The following MED13 variants were observed in gnomAD, a reference collection of about 807,000 sequenced individuals.
MED13 encodes the protein mediator complex subunit 13.
In MED13, 23 loss-of-function variants were observed where a neutral mutation model predicts 225.2. That is an observed-to-expected ratio of 0.10 (90% CI 0.07 to 0.14). The LOEUF is 0.14. Ranked by LOEUF, MED13 falls within the 10% of genes least tolerant of loss-of-function variation. The probability of loss-of-function intolerance (pLI) is 1.00; values close to 1 mark genes in which losing one functional copy is unlikely to be tolerated. For synonymous variants in MED13, 942 were observed against 889.2 expected (o/e 1.06, Z -1.06); for missense variants, 2,197 against 2,594.5 (o/e 0.85, Z 3.33).
At chr17:62,034,064 T>G in intron 4 of MED13, 80 bp from the exon 5 acceptor site, 1 of 1,231,638 alleles carries the variant, frequency 8.1e-7, no homozygotes, top group Non-Finnish European at 1.1e-6. Flanking sequence ...ATGTGGCAAA[T>G]AATCGTGCAA....
intron 11 of MED13, among the ~76,000 whole-genome samples, chr17:61,989,586 C>T (rs2080277823): frequency 1.3e-5 from 2 of 152,206 alleles, no homozygotes; most frequent in Admixed American, 1.3e-4. Flanking sequence ...GATCTGCCCA[C>T]CTTGGCCTCC....
At chr17:61,954,092 G>T (rs2079920338) in intron 26 of MED13, among the ~76,000 whole-genome samples, 1 of 152,010 alleles carries the variant, frequency 6.6e-6, no homozygotes, top group South Asian at 2.1e-4. Context: ...TGTACCCATG[G>T]GCAACTGAAA....
At chr17:61,968,658 T>C (rs572686425) in intron 17 of MED13, among the ~76,000 whole-genome samples, 60 of 152,152 alleles carry the variant, frequency 3.9e-4, no homozygotes, top group Admixed American at 3.0e-3. Flanking sequence ...GTTAATGAAG[T>C]CATTATTAGT....
rs546380966 is a variant in MED13 at position 62,038,369 on chromosome 17, T to A, written c.471-2761A>T. ...GTGAGCTATGATGACACCACTGCCCTCCAGTCTCCAAACAAAAAAAGATAT... is the reference window on the plus strand; with the variant it reads ...GTGAGCTATGATGACACCACTGCCCACCAGTCTCCAAACAAAAAAAGATAT... On this transcript the variant is annotated intron_variant, in intron 3 of 29. Coordinates refer to ENST00000397786, the MANE Select transcript of MED13 (RefSeq NM_005121.3). Among the ~76,000 whole-genome samples the A allele has an allele frequency of 3.8e-3, 582 of 152,152 alleles. 1 individual carries two copies. The highest frequency in any genetic ancestry group is 0.01 in the Middle Eastern group (3 of 294).
chr17:61,966,442 A>ATT lies in MED13; in HGVS notation c.4381+19_4381+20insAA, dbSNP rs752598045. 3.5e-5 allele frequency: 56 copies of ATT among 1,590,256 alleles called. No individual in the cohort carries two copies. Among genetic ancestry groups the ATT allele is most frequent in the Non-Finnish European group, 4.7e-5 (55 of 1,169,258 alleles). ...CATTTTGCTAACACCAGCCTTATACAATAAATACAAATTCAATACCTAGGT... is the reference window on the plus strand; with the variant it reads ...CATTTTGCTAACACCAGCCTTATACATTATAAATACAAATTCAATACCTAGGT... On this transcript the variant is annotated intron_variant, in intron 19 of 29. Transcript: ENST00000397786.
chr17:61,945,706 G>C lies in MED13; in HGVS notation c.*762C>G, dbSNP rs755568703. The C allele has an allele frequency of 1.3e-5, 2 of 152,544 alleles. No individual in the cohort carries two copies. Among genetic ancestry groups the C allele is most frequent in the Non-Finnish European group, 2.9e-5 (2 of 68,024 alleles). The allele number at this position is 152,544 out of a possible 1,614,324, so 9.4% of individuals were successfully genotyped here. On this transcript the variant is annotated 3_prime_UTR_variant, in exon 30 of 30. Transcript: ENST00000397786. ...GGTACCTTTTCAATTTATAAACACA[G>C]TGAACTTCATTACTGTACATGTACT...
At chr17:62,011,943 A>G (rs990066158) in intron 8 of MED13, among the ~76,000 whole-genome samples, 1 of 152,200 alleles carries the variant, frequency 6.6e-6, no homozygotes, top group Non-Finnish European at 1.5e-5. Flanking sequence ...TAGGCTGGGC[A>G]TGGTGGCTGA....
In MED13 at chr17:61,966,484, T is replaced by C. The variant is rs1035065420; in HGVS notation, c.4359A>G (p.Ala1453=). 1 of 1,613,258 alleles carries C rather than the reference T, an allele frequency of 6.2e-7. No individual in the cohort carries two copies. Among genetic ancestry groups the C allele is most frequent in the Admixed American group, 1.7e-5 (1 of 59,872 alleles). Residue 1453 remains alanine (A), a synonymous_variant, in exon 19 of 30, where the codon GCA becomes GCG. Coordinates refer to ENST00000397786, the MANE Select transcript of MED13 (RefSeq NM_005121.3). ...NEAFSKLKLY[A]QVCRYDLGPY... ...TACCTAGGTCATATCTGCAGACTTG[T>C]GCATAAAGCTTGAGTTTAGAAAATG...
chr17:61,997,836 A>T (rs2080359129), intron 9 of MED13, among the ~76,000 whole-genome samples: 1 of 152,110 alleles, frequency 6.6e-6, no homozygotes, highest in Admixed American at 6.5e-5. Context: ...AAACCTTCAC[A>T]CTGTTTACAT....
Position 62,060,329 on chromosome 17 carries a change from A to G in MED13, c.301+2738T>C, listed in dbSNP as rs558980784. Among the ~76,000 whole-genome samples the G allele has an allele frequency of 3.3e-5, 5 of 151,556 alleles. No homozygotes were observed. In the East Asian group the frequency reaches 7.9e-4, roughly 24 times the overall value. On this transcript the variant is annotated intron_variant, in intron 2 of 29. Transcript: ENST00000397786. ...TATTTACCATTCATTAGCATTCAGT[A>G]AAGTCTGACAGCAGTTAAAACCCTA... is the stretch of plus-strand genomic sequence containing the variant.
At chr17:61,948,883 G>C (rs561651228) in intron 28 of MED13, among the ~76,000 whole-genome samples, 1 of 150,962 alleles carries the variant, frequency 6.6e-6, no homozygotes, top group Non-Finnish European at 1.5e-5. Flanking sequence ...TCAGGAGATC[G>C]AGACCATCCC....
intron 9 of MED13, among the ~76,000 whole-genome samples, chr17:62,002,794 C>T (rs1201794131): frequency 6.6e-6 from 1 of 152,326 alleles, no homozygotes; most frequent in Middle Eastern, 3.4e-3. Context: ...TATGGGGAAT[C>T]TCCCCAATGA....
At chr17:62,058,309 T>C (rs1284512642) in intron 2 of MED13, among the ~76,000 whole-genome samples, 1 of 151,156 alleles carries the variant, frequency 6.6e-6, no homozygotes, top group Non-Finnish European at 1.5e-5. Context: ...AGGCCAGGAG[T>C]TCCAGACCAG....
rs553149735 is a variant in MED13, at chr17:62,039,973, C to T, written c.471-4365G>A. Reference sequence around the variant, plus strand: ...TGCAGTGGCTATTCACAGGCACAGTCGCGGAGCACTACAGCCTCAAACTCC... The same window carrying T: ...TGCAGTGGCTATTCACAGGCACAGTTGCGGAGCACTACAGCCTCAAACTCC... On this transcript the variant is annotated intron_variant, in intron 3 of 29. Coordinates refer to ENST00000397786, the MANE Select transcript of MED13 (RefSeq NM_005121.3). Among the ~76,000 whole-genome samples, 8 of 152,108 alleles carry T rather than the reference C, an allele frequency of 5.3e-5. No individual in the cohort carries two copies. In the South Asian group the frequency reaches 1.5e-3, roughly 28 times the overall value.
chr17:62,011,962 A>G (rs2080513500), intron 8 of MED13, among the ~76,000 whole-genome samples: 1 of 152,206 alleles, frequency 6.6e-6, no homozygotes, highest in South Asian at 2.1e-4. Context: ...GACACCTGCA[A>G]TCCCAGCACT....
At chr17:62,015,954 ATTTTTTTTTTTTTTTTT>A (rs869061252) in intron 8 of MED13, among the ~76,000 whole-genome samples, 10 of 12,900 alleles carry the variant, frequency 7.8e-4, no homozygotes, top group African/African-American at 3.3e-3. Flanking sequence ...ATATATATAT[ATTTTTTTTTTTTTTTTT>A]TTTTTTTTTT....
At chr17:61,957,172 G>C (rs1166223795) in intron 23 of MED13, among the ~76,000 whole-genome samples, 1 of 151,360 alleles carries the variant, frequency 6.6e-6, no homozygotes, top group African/African-American at 2.4e-5. Context: ...TCAGCCTTCC[G>C]AGCAGCTGAG....
In MED13 at chr17:61,990,650, T is replaced by TATAC. The variant is rs1491124278; in HGVS notation, c.2263+1889_2263+1890insGTAT. ...GTGTATATATATATATATATATATA[T>TATAC]ACACACTCCCCCCCAAAACATCATG... On this transcript the variant is annotated intron_variant, in intron 11 of 29. Transcript: ENST00000397786. 3.4e-3 allele frequency among the ~76,000 whole-genome samples: 484 copies of TATAC among 141,156 alleles called. 1 individual carries two copies. The highest frequency in any genetic ancestry group is 0.011 in the African/African-American group (423 of 37,214). The allele number at this position is 141,156 out of a possible 152,430, so 92.6% of individuals were successfully genotyped here.
intron 5 of MED13, among the ~76,000 whole-genome samples, chr17:62,033,321 G>A (rs1412364927): frequency 6.6e-6 from 1 of 152,132 alleles, no homozygotes; most frequent in Non-Finnish European, 1.5e-5. Context: ...AACACAGGTT[G>A]TCAACTTTTC....
Sources: gnomAD v4.1 joint callset for allele counts (sites outside exome capture counted in the v4.1 genomes callset) on GRCh38, gnomAD v4.1.1 for gene constraint, MANE v1.5 for transcripts, NCBI Gene and HGNC (gene_info 2026-07-23, HGNC 2026-07-21) for gene names.